FAF1: variants seen among roughly 807,000 people sequenced by gnomAD.
FAF1 encodes FAS-associated factor 1.
In FAF1, 25 loss-of-function variants were observed where a neutral mutation model predicts 92.5. The observed-to-expected ratio is 0.27, with a 90% CI of 0.20 to 0.38. The LOEUF (loss-of-function observed/expected upper bound fraction) is 0.38, where lower values mean the gene tolerates loss of function less well. Ranked by LOEUF, FAF1 falls within the 10% of genes least tolerant of loss-of-function variation. The pLI, the probability that FAF1 is intolerant of heterozygous loss-of-function variation, is 1.00. For missense variants in FAF1, 636 were observed against 793.3 expected, an observed-to-expected ratio of 0.80 and a Z score of 2.38; for synonymous variants, 234 against 273.2, an observed-to-expected ratio of 0.86 and a Z score of 1.42.
chr1:50,671,528 G>T (rs978598240), intron 7 of FAF1, among the ~76,000 whole-genome samples: 2 of 152,108 alleles, frequency 1.3e-5, no homozygotes, highest in Non-Finnish European at 2.9e-5. Flanking sequence ...TGAATTAGAT[G>T]TTACTGTAAT....
intron 2 of FAF1, among the ~76,000 whole-genome samples, chr1:50,850,748 A>G (rs1421192105): frequency 2.0e-5 from 3 of 152,136 alleles, no homozygotes; most frequent in South Asian, 2.1e-4. Flanking sequence ...ATAGAGAAGT[A>G]TAACTAGAAA....
At chr1:50,772,230 T>C (rs986340222) in intron 4 of FAF1, among the ~76,000 whole-genome samples, 1 of 152,168 alleles carries the variant, frequency 6.6e-6, no homozygotes, top group African/African-American at 2.4e-5. Flanking sequence ...GAAAAGGGAA[T>C]GCTTATACAC....
chr1:50,746,293 T>TATATATATATATATA (rs1281562796), intron 4 of FAF1, among the ~76,000 whole-genome samples: 5 of 19,632 alleles, frequency 2.5e-4, no homozygotes, highest in African/African-American at 7.6e-4. Flanking sequence ...TATATATATA[T>TATATATATATATATA]TTTTTTTTTT....
At chr1:50,810,806 T>G (rs753690741) in intron 2 of FAF1, among the ~76,000 whole-genome samples, 1 of 152,194 alleles carries the variant, frequency 6.6e-6, no homozygotes, top group African/African-American at 2.4e-5. Flanking sequence ...CCCAGCACTC[T>G]GGGAGGCCGA....
intron 8 of FAF1, among the ~76,000 whole-genome samples, chr1:50,639,882 C>T (rs568806549): frequency 1.2e-3 from 172 of 143,438 alleles, no homozygotes; most frequent in African/African-American, 4.1e-3. Context: ...TGCAGTGAGC[C>T]GAAATCATGC....
intron 2 of FAF1, among the ~76,000 whole-genome samples, chr1:50,807,514 G>A (rs1055016749): frequency 3.3e-5 from 5 of 152,098 alleles, no homozygotes; most frequent in Non-Finnish European, 7.4e-5. Context: ...GAGAACACTG[G>A]GGGTAAATCC....
intron 1 of FAF1, among the ~76,000 whole-genome samples, chr1:50,958,406 T>G (rs1229899433): frequency 6.6e-6 from 1 of 152,098 alleles, no homozygotes; most frequent in East Asian, 1.9e-4. Context: ...CCGGGAGCAG[T>G]GTGGCTCACG....
At chr1:50,778,531 T>C (rs1661043999) in intron 4 of FAF1, among the ~76,000 whole-genome samples, 3 of 152,196 alleles carry the variant, frequency 2.0e-5, no homozygotes, top group Non-Finnish European at 2.9e-5. Flanking sequence ...AAATCTTTGG[T>C]ACATTATGTG....
At chr1:50,530,745 A>G (rs914201196) in intron 15 of FAF1, among the ~76,000 whole-genome samples, 21 of 152,300 alleles carry the variant, frequency 1.4e-4, no homozygotes, top group Middle Eastern at 6.8e-3. Flanking sequence ...CATTTCATGT[A>G]CTCCATAAAC....
chr1:50,927,701 CTTCT>C, intron 1 of FAF1, among the ~76,000 whole-genome samples: 1 of 152,214 alleles, frequency 6.6e-6, no homozygotes, highest in East Asian at 1.9e-4. Flanking sequence ...TGATTATATT[CTTCT>C]TTTTCATTTG....
At chr1:50,871,162 A>C (rs1306653116) in intron 1 of FAF1, among the ~76,000 whole-genome samples, 1 of 152,242 alleles carries the variant, frequency 6.6e-6, no homozygotes, top group Non-Finnish European at 1.5e-5. Flanking sequence ...GACACAGGTG[A>C]GGACACGCAG....
chr1:50,538,676 T>C (rs1274927218), intron 14 of FAF1, among the ~76,000 whole-genome samples: 1 of 152,088 alleles, frequency 6.6e-6, no homozygotes, highest in Non-Finnish European at 1.5e-5. Context: ...TCTTGCAACA[T>C]TGCCTCTGAC....
At chr1:50,462,735 C>A (rs1646448355) in intron 18 of FAF1, among the ~76,000 whole-genome samples, 1 of 152,138 alleles carries the variant, frequency 6.6e-6, no homozygotes, top group South Asian at 2.1e-4. Context: ...TCTTGAAAAT[C>A]TCCTTTGAAA....
intron 7 of FAF1, among the ~76,000 whole-genome samples, chr1:50,684,143 TTAG>T (rs896804854): frequency 1.3e-5 from 2 of 148,528 alleles, no homozygotes; most frequent in African/African-American, 5.1e-5. Flanking sequence ...TGCCAAAAAC[TTAG>T]TAGTAGCAAA....
At chr1:50,905,961 A>C (rs1027976654) in intron 1 of FAF1, among the ~76,000 whole-genome samples, 1 of 152,108 alleles carries the variant, frequency 6.6e-6, no homozygotes, top group Non-Finnish European at 1.5e-5. Context: ...CCCATGCCTA[A>C]GTCCTGAATG....
chr1:50,448,857 C>T (rs1646259333), intron 18 of FAF1, among the ~76,000 whole-genome samples: 1 of 151,522 alleles, frequency 6.6e-6, no homozygotes, highest in African/African-American at 2.4e-5. Context: ...TTTAATGGCT[C>T]CTAAAATCCC....
intron 1 of FAF1, among the ~76,000 whole-genome samples, chr1:50,893,339 C>T (rs140438824): frequency 6.6e-6 from 1 of 152,142 alleles, no homozygotes; most frequent in African/African-American, 2.4e-5. Flanking sequence ...GGAAGACTTT[C>T]CAGGTATTGG....
At chr1:50,825,874 G>C (rs963564702) in intron 2 of FAF1, among the ~76,000 whole-genome samples, 2 of 152,094 alleles carry the variant, frequency 1.3e-5, no homozygotes, top group African/African-American at 4.8e-5. Flanking sequence ...GTTAAATAGA[G>C]AATGCTTCTA....
intron 8 of FAF1, among the ~76,000 whole-genome samples, chr1:50,646,555 A>G (rs946637167): frequency 6.6e-6 from 1 of 152,230 alleles, no homozygotes; most frequent in Non-Finnish European, 1.5e-5. Flanking sequence ...TCCAATGCTT[A>G]TAATTTACAA....
Sources: allele counts gnomAD v4.1 joint callset (sites outside exome capture counted in the v4.1 genomes callset), GRCh38; gene constraint gnomAD v4.1.1; transcripts MANE v1.5; gene names NCBI Gene and HGNC (gene_info 2026-07-23, HGNC 2026-07-21).